The following FHIT variants were observed in gnomAD, a reference collection of about 807,000 sequenced individuals.
The protein encoded by FHIT is bis(5'-adenosyl)-triphosphatase.
FHIT carries 19 observed loss-of-function variants against 17.9 expected under a neutral mutation model. The observed-to-expected ratio is 1.06, with a 90% CI of 0.74 to 1.56. The LOEUF (loss-of-function observed/expected upper bound fraction) is 1.56, where lower values mean the gene tolerates loss of function less well. FHIT is among the 40% of genes most tolerant of loss of function. The probability of loss-of-function intolerance (pLI) is 0.00; values close to 1 mark genes in which losing one functional copy is unlikely to be tolerated. For synonymous variants in FHIT, 81 were observed against 69.7 expected (o/e 1.16, Z -0.81); for missense variants, 248 against 189.2 (o/e 1.31, Z -1.82).
At chr3:60,366,726 G>C (rs1700121083) in intron 5 of FHIT, among the ~76,000 whole-genome samples, 1 of 152,122 alleles carries the variant, frequency 6.6e-6, no homozygotes, top group Admixed American at 6.5e-5. Flanking sequence ...CTTGGACTTT[G>C]CAGCTTCCAG....
intron 8 of FHIT, among the ~76,000 whole-genome samples, chr3:59,918,384 G>C (rs1468586233): frequency 6.6e-6 from 1 of 152,092 alleles, no homozygotes; most frequent in Non-Finnish European, 1.5e-5. Flanking sequence ...AAGGAAATAG[G>C]TATGGCGATA....
intron 3 of FHIT, among the ~76,000 whole-genome samples, chr3:60,874,306 A>C (rs1378375529): frequency 6.6e-6 from 1 of 152,210 alleles, no homozygotes; most frequent in Non-Finnish European, 1.5e-5. Flanking sequence ...TCCTCAAAGA[A>C]AACAGTTCTG....
chr3:61,050,751 T>C (rs2033994899), intron 2 of FHIT, among the ~76,000 whole-genome samples: 1 of 152,250 alleles, frequency 6.6e-6, no homozygotes, highest in South Asian at 2.1e-4. Context: ...CTATTAGTTC[T>C]ACATTTGTGT....
chr3:59,966,951 C>T (rs73106507), intron 7 of FHIT, among the ~76,000 whole-genome samples: 15,068 of 152,216 alleles, frequency 0.099, 920 homozygotes, highest in Admixed American at 0.14. Context: ...TAACATGTAG[C>T]TTAAAACACA....
chr3:60,437,786 G>A (rs1156595911), intron 5 of FHIT, among the ~76,000 whole-genome samples: 5 of 151,822 alleles, frequency 3.3e-5, no homozygotes, highest in African/African-American at 7.3e-5. Flanking sequence ...TAAATTCAGG[G>A]GAAATCCAGA....
rs187648273 is a variant in FHIT at position 61,176,893 on chromosome 3, C to T, written c.-164+23724G>A. ...AAAGAGATCTTGAAAGAAAGGGAAC[C>T]GGCCGGGCGTGGTGGCTCACGCCTG... On this transcript the variant is annotated intron_variant, in intron 2 of 9. Transcript: ENST00000492590. Among the ~76,000 whole-genome samples the T allele has an allele frequency of 1.1e-4, 16 of 152,176 alleles. No homozygotes were observed. The East Asian group carries it at 2.9e-3, about 28-fold the overall frequency.
chr3:60,730,268 G>A (rs775843209), intron 4 of FHIT: 1 of 265,394 alleles, frequency 3.8e-6, no homozygotes, highest in African/African-American at 2.3e-5. Flanking sequence ...ATTTCTTCTA[G>A]TTTGTTCTGG....
At chr3:60,698,803 C>T (rs1553701299) in intron 4 of FHIT, among the ~76,000 whole-genome samples, 1 of 152,064 alleles carries the variant, frequency 6.6e-6, no homozygotes, top group East Asian at 1.9e-4. Flanking sequence ...GGATTTTGGA[C>T]AAACTTTCAT....
chr3:61,014,711 C>T (rs767973145), intron 3 of FHIT, among the ~76,000 whole-genome samples: 1 of 139,222 alleles, frequency 7.2e-6, no homozygotes, highest in Admixed American at 7.5e-5. Context: ...ACCCAGGAGG[C>T]GGAGCTTGCA....
Position 60,149,985 on chromosome 3 carries a change from CCT to C in FHIT, c.104-135835_104-135834del, listed in dbSNP as rs1473417855. ...GCTGGATAAAAGGCAAACCTTTAAG[CCT>C]TTTTTTTTTTTTTTTTTTTTTTTGG... On this transcript the variant is annotated intron_variant, in intron 5 of 9. Coordinates refer to ENST00000492590, the MANE Select transcript of FHIT (RefSeq NM_002012.4). 2.2e-3 allele frequency among the ~76,000 whole-genome samples: 112 copies of C among 50,932 alleles called. 14 individuals are homozygous for C. Among genetic ancestry groups the C allele is most frequent in the South Asian group, 4.4e-3 (6 of 1,350 alleles). The allele number at this position is 50,932 out of a possible 152,430, so 33.4% of individuals were successfully genotyped here.
At chr3:60,948,150 T>A (rs1348957896) in intron 3 of FHIT, among the ~76,000 whole-genome samples, 8 of 152,176 alleles carry the variant, frequency 5.3e-5, no homozygotes, top group Admixed American at 3.9e-4. Flanking sequence ...TTAGACCAGG[T>A]GCTAGGTGTC....
chr3:61,229,312 G>A (rs1363671379), intron 1 of FHIT, among the ~76,000 whole-genome samples: 1 of 152,152 alleles, frequency 6.6e-6, no homozygotes, highest in Non-Finnish European at 1.5e-5. Flanking sequence ...AGTTATGTGG[G>A]TGCAAGCCAA....
chr3:59,992,316 T>C (rs1274984040), intron 7 of FHIT, among the ~76,000 whole-genome samples: 1 of 152,090 alleles, frequency 6.6e-6, no homozygotes, highest in East Asian at 1.9e-4. Context: ...CCTGGCGTAG[T>C]ACATTTAAGA....
intron 5 of FHIT, among the ~76,000 whole-genome samples, chr3:60,285,594 G>T (rs1418467434): frequency 6.6e-6 from 1 of 152,010 alleles, no homozygotes; most frequent in African/African-American, 2.4e-5. Context: ...GATTTTTCAG[G>T]CATAATTACA....
chr3:60,655,385 C>T (rs1159256792), intron 4 of FHIT, among the ~76,000 whole-genome samples: 1 of 152,148 alleles, frequency 6.6e-6, no homozygotes, highest in East Asian at 1.9e-4. Flanking sequence ...TTACTAAAAA[C>T]AACAACGCAT....
At chr3:60,537,557 G>T in intron 4 of FHIT, 1 of 599,274 alleles carries the variant, frequency 1.7e-6, no homozygotes, top group Non-Finnish European at 2.1e-6. Flanking sequence ...GAAGGAAGGA[G>T]CAAAACGGAG....
intron 2 of FHIT, among the ~76,000 whole-genome samples, chr3:61,140,505 T>TA (rs1167624841): frequency 6.6e-6 from 1 of 152,118 alleles, no homozygotes; most frequent in Non-Finnish European, 1.5e-5. Flanking sequence ...AGGGCGTGGG[T>TA]AATCTCCTTG....
chr3:60,029,928 T>TGA (rs56924673), intron 5 of FHIT, among the ~76,000 whole-genome samples: 1 of 150,924 alleles, frequency 6.6e-6, no homozygotes, highest in African/African-American at 2.5e-5. Context: ...TGTGTGTGTG[T>TGA]ACAAATGTGA....
chr3:59,915,530 T>A (rs1187670507), intron 8 of FHIT, among the ~76,000 whole-genome samples: 1 of 152,178 alleles, frequency 6.6e-6, no homozygotes, highest in African/African-American at 2.4e-5. Context: ...TCTTCAGCCT[T>A]CTTTCATTAC....
Sources: gnomAD v4.1 joint callset for allele counts (sites outside exome capture counted in the v4.1 genomes callset) on GRCh38, gnomAD v4.1.1 for gene constraint, MANE v1.5 for transcripts, NCBI Gene and HGNC (gene_info 2026-07-23, HGNC 2026-07-21) for gene names.